The following TMEM170A variants were observed in gnomAD, a reference collection of about 807,000 sequenced individuals.
TMEM170A encodes the protein transmembrane protein 170.
A neutral mutation model predicts 12.8 loss-of-function variants in TMEM170A; 18 were observed. That is an observed-to-expected ratio of 1.41 (90% CI 0.97 to 2.09). TMEM170A has a LOEUF of 2.09. Among genes scored for constraint, TMEM170A ranks in the 30% most tolerant of loss-of-function variants. The pLI is 0.00. For missense variants in TMEM170A, 220 were observed against 179.9 expected (o/e 1.22, Z -1.28); for synonymous variants, 107 against 76.2 (o/e 1.40, Z -2.11).
chr16:75,460,201 G>C (rs2079877947), intron 1 of TMEM170A, among the ~76,000 whole-genome samples: 1 of 151,578 alleles, frequency 6.6e-6, no homozygotes, highest in South Asian at 2.1e-4. Flanking sequence ...AAGCCGGTAA[G>C]TTTCTTAAGT....
At chr16:75,449,331 ATT>A (rs10680885) in intron 2 of TMEM170A, among the ~76,000 whole-genome samples, 21 of 147,948 alleles carry the variant, frequency 1.4e-4, no homozygotes, top group Non-Finnish European at 2.8e-4. Context: ...CACGTTTACA[ATT>A]TTTTTTTTTT....
In TMEM170A at chr16:75,464,454, G is replaced by A. The variant is rs765370498; in HGVS notation, c.133+14C>T. ...GGCGGGGCGCGCAGTGCGCAGGCGC[G>A]GGGCGGGCCGTACCTGGGAAGGAGC... On this transcript the variant is annotated intron_variant, in intron 1 of 2. Transcript: ENST00000561878. 3 of 1,462,304 alleles carry A rather than the reference G, an allele frequency of 2.1e-6. No individual in the cohort carries two copies. Among genetic ancestry groups the A allele is most frequent in the African/African-American group, 1.5e-5 (1 of 67,534 alleles). The allele number at this position is 1,462,304 out of a possible 1,614,324, so 90.6% of individuals were successfully genotyped here.
In TMEM170A at chr16:75,464,642, G is replaced by T; in HGVS notation, c.-42C>A. ...ACAGAGAAATGAGGGACGAGCGCCC[G>T]AAGTGCGGTAGCGGCCGGCGCCGAC... On this transcript the variant is annotated 5_prime_UTR_variant, in exon 1 of 3. Coordinates refer to ENST00000561878, the MANE Select transcript of TMEM170A (RefSeq NM_145254.3). 1.3e-6 allele frequency: 2 copies of T among 1,551,492 alleles called. No individual in the cohort carries two copies. Among genetic ancestry groups the T allele is most frequent in the Non-Finnish European group, 1.7e-6 (2 of 1,154,848 alleles).
At chr16:75,453,084 G>C (rs138092610) in intron 1 of TMEM170A, among the ~76,000 whole-genome samples, 1 of 151,450 alleles carries the variant, frequency 6.6e-6, no homozygotes, top group Non-Finnish European at 1.5e-5. Context: ...ACCAATCTCT[G>C]TACCCTCAAA....
intron 1 of TMEM170A, among the ~76,000 whole-genome samples, chr16:75,460,905 A>T (rs547351739): frequency 2.2e-4 from 33 of 152,296 alleles, no homozygotes; most frequent in African/African-American, 7.0e-4. Flanking sequence ...CTAATTTGAC[A>T]CTGATTTAGT....
In TMEM170A at chr16:75,443,674, A is replaced by T. The variant is rs1019379418; in HGVS notation, c.*3884T>A. ...TTTCCTCACCTAGTGTAAACATTTC[A>T]TAAGAAGTAATATTTTGTGGTCACA... On this transcript the variant is annotated 3_prime_UTR_variant, in exon 3 of 3. Coordinates refer to ENST00000561878, the MANE Select transcript of TMEM170A (RefSeq NM_145254.3). 3.3e-5 allele frequency: 5 copies of T among 152,244 alleles called. No homozygotes were observed. The highest frequency in any genetic ancestry group is 1.2e-4 in the African/African-American group (5 of 41,458). The allele number at this position is 152,244 out of a possible 1,614,324, so 9.4% of individuals were successfully genotyped here.
intron 1 of TMEM170A, chr16:75,452,815 A>G (rs770535505): frequency 1.2e-4 from 18 of 152,224 alleles, no homozygotes; most frequent in Admixed American, 3.9e-4. Context: ...TGTGTTCAAC[A>G]AATTACTGCC....
Position 75,464,620 on chromosome 16 carries a change from G to C in TMEM170A, c.-20C>G, listed in dbSNP as rs1266142583. 2 of 1,570,230 alleles carry C rather than the reference G, an allele frequency of 1.3e-6. No individual in the cohort carries two copies. Among genetic ancestry groups the C allele is most frequent in the Non-Finnish European group, 1.7e-6 (2 of 1,162,406 alleles). ...CTCCATCCCGTCGCCATTCACCACA[G>C]AGAAATGAGGGACGAGCGCCCGAAG... is the stretch of plus-strand genomic sequence containing the variant. On this transcript the variant is annotated 5_prime_UTR_variant, in exon 1 of 3. Transcript: ENST00000561878.
Position 75,443,436 on chromosome 16 carries a change from G to GC in TMEM170A, c.*4121dup, listed in dbSNP as rs879903087. 4 of 152,126 alleles carry GC rather than the reference G, an allele frequency of 2.6e-5. No homozygotes were observed. Among genetic ancestry groups the GC allele is most frequent in the African/African-American group, 9.7e-5 (4 of 41,432 alleles). The allele number at this position is 152,126 out of a possible 1,614,324, so 9.4% of individuals were successfully genotyped here. ...CTTATAGAGTGCACAAAAAAGAAAT[G>GC]CAAGTACACGACATTTCTGCATATG... On this transcript the variant is annotated 3_prime_UTR_variant, in exon 3 of 3. Coordinates refer to ENST00000561878, the MANE Select transcript of TMEM170A (RefSeq NM_145254.3).
At chr16:75,454,345 G>A (rs1447626177) in intron 1 of TMEM170A, among the ~76,000 whole-genome samples, 6 of 152,156 alleles carry the variant, frequency 3.9e-5, no homozygotes, top group Non-Finnish European at 5.9e-5. Flanking sequence ...ATGGCCGGGC[G>A]TGGTAGCTCA....
At position 75,464,574 on chromosome 16, in the gene TMEM170A, G is replaced by A. The variant is rs751377612; in HGVS notation, c.27C>T (p.Ser9=). 26 of 1,585,120 alleles carry A rather than the reference G, an allele frequency of 1.6e-5. No homozygotes were observed. The Admixed American group carries it at 4.3e-4, about 26-fold the overall frequency. The change falls in exon 1 of 3, where the codon AGC becomes AGT. Residue 9 remains serine, a synonymous_variant. Transcript: ENST00000561878. The stretch of plus-strand genomic sequence containing the variant: ...GCTGCAGGAGCCCGGCCGACCCGCC[G>A]CTGCCGCCGCTCCCCTCGCGCTCCA... MEREGSGG[S]GGSAGLLQQI...
intron 1 of TMEM170A, chr16:75,464,161 T>C: frequency 1.4e-6 from 2 of 1,444,968 alleles, no homozygotes; most frequent in East Asian, 2.7e-5. Context: ...GCTCTGAACC[T>C]GAGGCGCTCG....
intron 1 of TMEM170A, among the ~76,000 whole-genome samples, chr16:75,463,046 A>C (rs1362180453): frequency 6.6e-6 from 1 of 152,154 alleles, no homozygotes; most frequent in Non-Finnish European, 1.5e-5. Flanking sequence ...GTGGTTATAT[A>C]TATAGAGAGA....
rs1354041828 is a variant in TMEM170A at position 75,452,785 on chromosome 16, C to A, written c.134-946G>T. On this transcript the variant is annotated intron_variant, in intron 1 of 2. Coordinates refer to ENST00000561878, the MANE Select transcript of TMEM170A (RefSeq NM_145254.3). ...AAAGTAGGGTTCATCAGTCAAATATCCAAATATTGACGGTTTTAGTGTGTT... is the reference window on the plus strand; with the variant it reads ...AAAGTAGGGTTCATCAGTCAAATATACAAATATTGACGGTTTTAGTGTGTT... The A allele has an allele frequency of 2.0e-5, 3 of 152,332 alleles. No individual in the cohort carries two copies. The East Asian group carries it at 5.8e-4, about 29-fold the overall frequency. 9.4% of individuals were successfully genotyped at this position (152,332 alleles called of 1,614,324 possible).
At chr16:75,451,347 C>G in intron 2 of TMEM170A, 1 of 425,708 alleles carries the variant, frequency 2.3e-6, no homozygotes, top group East Asian at 4.2e-5. Context: ...CTCAGGAGTT[C>G]GAGACCCGGG....
At chr16:75,449,331 AT>A (rs10680885) in intron 2 of TMEM170A, among the ~76,000 whole-genome samples, 172 of 147,936 alleles carry the variant, frequency 1.2e-3, no homozygotes, top group African/African-American at 3.3e-3. Flanking sequence ...CACGTTTACA[AT>A]TTTTTTTTTT....
chr16:75,446,651 T>C lies in TMEM170A; in HGVS notation c.*907A>G, dbSNP rs2079591409. On this transcript the variant is annotated 3_prime_UTR_variant, in exon 3 of 3. Coordinates refer to ENST00000561878, the MANE Select transcript of TMEM170A (RefSeq NM_145254.3). ...ACTTCTATAGTTTCTCAAGGGTCAT[T>C]AGTATACCAAAGTCACTAAGAAAAA... The C allele has an allele frequency of 6.6e-6, 1 of 152,210 alleles. No individual in the cohort carries two copies. Among genetic ancestry groups the C allele is most frequent in the East Asian group, 1.9e-4 (1 of 5,202 alleles). The allele number at this position is 152,210 out of a possible 1,614,324, so 9.4% of individuals were successfully genotyped here. A position where few individuals can be genotyped will look rare whatever the true frequency, so the allele number is the denominator to read the frequency against.
At chr16:75,449,811 A>G (rs2079650778) in intron 2 of TMEM170A, among the ~76,000 whole-genome samples, 1 of 152,206 alleles carries the variant, frequency 6.6e-6, no homozygotes, top group Non-Finnish European at 1.5e-5. Context: ...GTACACAAGA[A>G]AGACTGGGTT....
chr16:75,450,827 T>C lies in TMEM170A; in HGVS notation c.304+842A>G, dbSNP rs75587191. ...GTACACACCACCACACTCAGCTAAA[T>C]TTTTTATTTTTATTTGTAGAGATGG... On this transcript the variant is annotated intron_variant, in intron 2 of 2. Coordinates refer to ENST00000561878, the MANE Select transcript of TMEM170A (RefSeq NM_145254.3). Among the ~76,000 whole-genome samples the C allele has an allele frequency of 6.5e-3, 992 of 152,198 alleles. 5 individuals are homozygous for C. The highest frequency in any genetic ancestry group is 0.01 in the Middle Eastern group (3 of 294).
Sources: allele counts gnomAD v4.1 joint callset (sites outside exome capture counted in the v4.1 genomes callset), GRCh38; gene constraint gnomAD v4.1.1; transcripts MANE v1.5; gene names NCBI Gene and HGNC (gene_info 2026-07-23, HGNC 2026-07-21).